Variants in TP63 observed in about 807,000 individuals in gnomAD.
The protein encoded by TP63 is tumor protein 63.
In TP63, 17 loss-of-function variants were observed where a neutral mutation model predicts 82.8. That is an observed-to-expected ratio of 0.21 (90% CI 0.14 to 0.31). The LOEUF is 0.31. Ranked by LOEUF, TP63 falls within the 10% of genes least tolerant of loss-of-function variation. The pLI is 1.00. For synonymous variants in TP63, 330 were observed against 321.7 expected (o/e 1.03, Z -0.28); for missense variants, 648 against 895.3 (o/e 0.72, Z 3.52).
intron 3 of TP63, among the ~76,000 whole-genome samples, chr3:189,756,181 A>C (rs989302771): frequency 2.6e-5 from 4 of 152,296 alleles, no homozygotes; most frequent in African/African-American, 2.4e-5. Flanking sequence ...TCTACTATTA[A>C]AATAATCATT....
At position 189,894,443 on chromosome 3, in the gene TP63, A is replaced by G. The variant is rs544216571; in HGVS notation, c.1984A>G (p.Asn662Asp). The change falls in exon 14 of 14, where the codon AAC (asparagine) becomes GAC (aspartate). Residue 662 changes from asparagine to aspartate, a missense_variant. Around this residue, in one of 5 missense-constraint regions of TP63, gnomAD observed 342 missense variants for 425.7 expected, o/e 0.80. Transcript: ENST00000264731. Reference protein sequence around the residue: ...FPPRDEWNDFNFDMDARRNKQ... With the variant: ...FPPRDEWNDFDFDMDARRNKQ... ...ACCCCGAGATGAGTGGAATGACTTC[A>G]ACTTTGACATGGATGCTCGCCGCAA... 1.9e-6 allele frequency: 3 copies of G among 1,614,042 alleles called. No homozygotes were observed. The highest frequency in any genetic ancestry group is 1.3e-5 in the African/African-American group (1 of 75,018).
intron 4 of TP63, among the ~76,000 whole-genome samples, chr3:189,859,321 A>G (rs2108784083): frequency 6.6e-6 from 1 of 152,292 alleles, no homozygotes; most frequent in South Asian, 2.1e-4. Context: ...CACAGTCTGT[A>G]TTACAATTTT....
At chr3:189,670,419 A>G (rs1714790999) in intron 1 of TP63, among the ~76,000 whole-genome samples, 2 of 152,072 alleles carry the variant, frequency 1.3e-5, no homozygotes, top group South Asian at 2.1e-4. Context: ...AAATCTCTCA[A>G]TGTATTTCAA....
chr3:189,745,705 T>A (rs1721316601), intron 3 of TP63, among the ~76,000 whole-genome samples: 1 of 56,398 alleles, frequency 1.8e-5, no homozygotes, highest in Non-Finnish European at 2.8e-5. Context: ...AGAAACTCCA[T>A]CTCAAAAAAA....
intron 1 of TP63, among the ~76,000 whole-genome samples, chr3:189,718,003 A>G (rs1474204432): frequency 6.6e-6 from 1 of 152,242 alleles, no homozygotes; most frequent in Non-Finnish European, 1.5e-5. Flanking sequence ...AAAGATAACA[A>G]CATAAGAGAA....
chr3:189,604,882 A>G, the TP63 span, among the ~76,000 whole-genome samples: 10 of 152,288 alleles, frequency 6.6e-5, no homozygotes, highest in South Asian at 2.1e-3. Context: ...TACATGGTTT[A>G]TTTACCTAAG....
At position 189,890,848 on chromosome 3, in the gene TP63, C is replaced by T. The variant is rs1423103383; in HGVS notation, c.1712C>T (p.Thr571Ile). 1.2e-6 allele frequency: 2 copies of T among 1,614,082 alleles called. No homozygotes were observed. The highest frequency in any genetic ancestry group is 1.7e-6 in the Non-Finnish European group (2 of 1,179,972). The change falls in exon 13 of 14, where the codon ACC becomes ATC. Residue 571 changes from threonine (T) to isoleucine (I), a missense_variant. By Grantham distance (89) the Thr-to-Ile change is moderately conservative. This residue lies in a region of TP63 where 342 missense variants were observed against 425.7 expected (regional missense o/e 0.80). Transcript: ENST00000264731. ...CLDYFTTQGL[T>I]TIYQIEHYSM... ...GACTATTTCACGACCCAGGGGCTGA[C>T]CACCATCTATCAGATTGAGCATTAC...
intron 3 of TP63, among the ~76,000 whole-genome samples, chr3:189,806,485 C>A (rs749046273): frequency 6.6e-6 from 1 of 152,184 alleles, no homozygotes; most frequent in Admixed American, 6.5e-5. Flanking sequence ...AATCCCCTTC[C>A]GAGGCTGTTG....
chr3:189,890,766 C>T (rs1720934430), intron 12 of TP63, 23 bp from the exon 13 acceptor site: 2 of 1,608,252 alleles, frequency 1.2e-6, no homozygotes, highest in Non-Finnish European at 1.7e-6. Context: ...TTTCCTCCTT[C>T]CTCTTCCCTC....
intron 4 of TP63, among the ~76,000 whole-genome samples, chr3:189,810,379 G>T (rs569152430): frequency 6.6e-6 from 1 of 152,092 alleles, no homozygotes; most frequent in Non-Finnish European, 1.5e-5. Flanking sequence ...AGTTTACTCC[G>T]CCAGGTCTCC....
chr3:189,815,631 G>A (rs1428656070), intron 4 of TP63, among the ~76,000 whole-genome samples: 2 of 152,090 alleles, frequency 1.3e-5, no homozygotes, highest in South Asian at 2.1e-4. Context: ...AAAAAAAGTT[G>A]TAAAACACTA....
chr3:189,722,294 A>G (rs1446343487), intron 1 of TP63, among the ~76,000 whole-genome samples: 1 of 152,258 alleles, frequency 6.6e-6, no homozygotes, highest in Non-Finnish European at 1.5e-5. Flanking sequence ...ATAACTCAGC[A>G]GGAAGTGTTT....
Position 189,711,510 on chromosome 3 carries a change from T to C in TP63, c.63-26230T>C, listed in dbSNP as rs565795568. 2.8e-4 allele frequency among the ~76,000 whole-genome samples: 43 copies of C among 151,966 alleles called. 1 individual carries two copies. Among genetic ancestry groups the C allele is most frequent in the South Asian group, 6.2e-4 (3 of 4,804 alleles). On this transcript the variant is annotated intron_variant, in intron 1 of 13. Coordinates refer to ENST00000264731, the MANE Select transcript of TP63 (RefSeq NM_003722.5). ...TGCCACAGGAACGTGGGGAAAAAAATAGAAATTTTACCTGGAGGATTGGAG... is the reference window on the plus strand; with the variant it reads ...TGCCACAGGAACGTGGGGAAAAAAACAGAAATTTTACCTGGAGGATTGGAG...
chr3:189,648,511 T>A (rs942292550), intron 1 of TP63, among the ~76,000 whole-genome samples: 4 of 147,246 alleles, frequency 2.7e-5, no homozygotes, highest in African/African-American at 5.1e-5. Context: ...AATAAATAAT[T>A]CTTGGTACAT....
At chr3:189,755,909 A>G (rs1722154307) in intron 3 of TP63, among the ~76,000 whole-genome samples, 2 of 152,200 alleles carry the variant, frequency 1.3e-5, no homozygotes, top group Admixed American at 1.3e-4. Flanking sequence ...TATACCTTTG[A>G]TTGTGGTCTA....
Position 189,694,267 on chromosome 3 carries a change from C to T in TP63, c.63-43473C>T, listed in dbSNP as rs1252103379. Among the ~76,000 whole-genome samples, 5 of 152,324 alleles carry T rather than the reference C, an allele frequency of 3.3e-5. No homozygotes were observed. In the East Asian group the frequency reaches 9.6e-4, roughly 29 times the overall value. On this transcript the variant is annotated intron_variant, in intron 1 of 13. Transcript: ENST00000264731. ...AACCCACACCCAGTTTTTCCTATCA[C>T]TAACATCATACATTATTATGGTATA...
At chr3:189,703,527 G>T (rs755090127) in intron 1 of TP63, among the ~76,000 whole-genome samples, 5 of 152,090 alleles carry the variant, frequency 3.3e-5, no homozygotes, top group South Asian at 2.1e-4. Context: ...AAAAAGAAAA[G>T]AAAAGGCAGG....
At chr3:189,602,689 G>GGGAAT in the TP63 span, among the ~76,000 whole-genome samples, 1 of 152,148 alleles carries the variant, frequency 6.6e-6, no homozygotes, top group African/African-American at 2.4e-5. Context: ...TTGGGCTGCA[G>GGGAAT]GGAATGGTTG....
chr3:189,866,661 T>C (rs1421955746), intron 5 of TP63, 21 bp from the exon 6 acceptor site: 10 of 1,605,490 alleles, frequency 6.2e-6, no homozygotes, highest in Non-Finnish European at 8.5e-6. Flanking sequence ...ACTAACTCTT[T>C]TATTGTTTTC....
Sources: gnomAD v4.1 joint callset for allele counts (sites outside exome capture counted in the v4.1 genomes callset) on GRCh38, gnomAD v4.1.1 for gene constraint, gnomAD v4.1.1 regional missense constraint, MANE v1.5 for transcripts, NCBI Gene and HGNC (gene_info 2026-07-23, HGNC 2026-07-21) for gene names.